Variants in NCKAP5 observed in about 807,000 individuals in gnomAD.
NCKAP5 encodes nck-associated protein 5.
Under a neutral mutation model 167.0 loss-of-function variants are expected in NCKAP5, and 92 were observed. The observed-to-expected ratio is 0.55, with a 90% CI of 0.47 to 0.66. The LOEUF is 0.66. Among genes scored for constraint, NCKAP5 ranks in the 30% least tolerant of loss-of-function variants. NCKAP5 has a pLI of 0.00. For synonymous variants in NCKAP5, 891 were observed against 877.4 expected (o/e 1.02, Z -0.27); for missense variants, 2,378 against 2,315.0 (o/e 1.03, Z -0.56).
intron 6 of NCKAP5, among the ~76,000 whole-genome samples, chr2:133,042,008 C>T (rs189272849): frequency 2.0e-5 from 3 of 152,194 alleles, no homozygotes; most frequent in Middle Eastern, 3.4e-3. Context: ...AGAATGCTAT[C>T]TTGAATAGCA....
chr2:133,629,175 G>T, the NCKAP5 span, among the ~76,000 whole-genome samples: 2 of 152,082 alleles, frequency 1.3e-5, no homozygotes, highest in African/African-American at 2.4e-5. Flanking sequence ...AACCACAAAA[G>T]AAACTATCAT....
intron 8 of NCKAP5, among the ~76,000 whole-genome samples, chr2:132,954,371 G>A (rs1202532535): frequency 3.3e-5 from 5 of 151,986 alleles, no homozygotes; most frequent in Non-Finnish European, 7.4e-5. Context: ...TTCATTTCTG[G>A]GATTCTTGAT....
chr2:133,267,609 G>T (rs1334577325), intron 4 of NCKAP5, among the ~76,000 whole-genome samples: 1 of 152,148 alleles, frequency 6.6e-6, no homozygotes, highest in African/African-American at 2.4e-5. Context: ...GCAAGAAAAC[G>T]CTGAATTCCC....
At chr2:133,414,209 A>G (rs1688959716) in intron 3 of NCKAP5, among the ~76,000 whole-genome samples, 1 of 152,222 alleles carries the variant, frequency 6.6e-6, no homozygotes, top group African/African-American at 2.4e-5. Flanking sequence ...TGAAACAGGT[A>G]TTAGGTAAGG....
At chr2:132,879,611 G>T (rs1430506155) in intron 8 of NCKAP5, among the ~76,000 whole-genome samples, 1 of 152,180 alleles carries the variant, frequency 6.6e-6, no homozygotes, top group Non-Finnish European at 1.5e-5. Flanking sequence ...ATATGAAGCT[G>T]CCCTCCACCT....
chr2:132,788,273 A>T (rs1027025466), intron 13 of NCKAP5, among the ~76,000 whole-genome samples: 3 of 152,154 alleles, frequency 2.0e-5, no homozygotes, highest in African/African-American at 7.2e-5. Context: ...GCTGAGGTGC[A>T]GGCCTGTGTT....
chr2:133,238,127 T>A (rs1388516080), intron 4 of NCKAP5, among the ~76,000 whole-genome samples: 1 of 152,190 alleles, frequency 6.6e-6, no homozygotes, highest in Non-Finnish European at 1.5e-5. Context: ...GAAAGTTTCC[T>A]CACTTTAGTT....
chr2:133,090,212 T>TAAAAAAAAAAAAAAAA (rs56131091), intron 6 of NCKAP5, among the ~76,000 whole-genome samples: 1 of 135,646 alleles, frequency 7.4e-6, no homozygotes, highest in South Asian at 2.4e-4. Context: ...ACAAGAAAAT[T>TAAAAAAAAAAAAAAAA]AAAAAAAAAA....
intron 11 of NCKAP5, among the ~76,000 whole-genome samples, chr2:132,857,649 T>G (rs1278408801): frequency 6.6e-6 from 1 of 152,232 alleles, no homozygotes; most frequent in Non-Finnish European, 1.5e-5. Context: ...TCTCAATTCC[T>G]TGGAATTTAG....
chr2:132,876,770 T>C (rs767971860), intron 9 of NCKAP5, among the ~76,000 whole-genome samples: 3 of 152,256 alleles, frequency 2.0e-5, no homozygotes, highest in Non-Finnish European at 4.4e-5. Context: ...CTAAAAAGTC[T>C]GTCTTCAGTG....
intron 6 of NCKAP5, among the ~76,000 whole-genome samples, chr2:133,109,828 C>T (rs2081850041): frequency 6.7e-6 from 1 of 150,214 alleles, no homozygotes. Flanking sequence ...TAGGGAAAGT[C>T]CCAAAATGAA....
intron 8 of NCKAP5, among the ~76,000 whole-genome samples, chr2:132,918,101 A>G (rs1252114357): frequency 6.6e-6 from 1 of 152,168 alleles, no homozygotes; most frequent in East Asian, 1.9e-4. Context: ...GGCTCCTTAA[A>G]TTTTGCATGT....
chr2:132,916,918 A>G (rs965338504), intron 8 of NCKAP5, among the ~76,000 whole-genome samples: 1 of 152,200 alleles, frequency 6.6e-6, no homozygotes, highest in African/African-American at 2.4e-5. Context: ...AAATTGAAAT[A>G]TTCTACTTTG....
intron 17 of NCKAP5, among the ~76,000 whole-genome samples, chr2:132,729,276 T>C (rs1690759990): frequency 6.6e-6 from 1 of 152,216 alleles, no homozygotes; most frequent in Non-Finnish European, 1.5e-5. Flanking sequence ...ATTCTTCAAA[T>C]AATGTTATTC....
intron 5 of NCKAP5, among the ~76,000 whole-genome samples, chr2:133,145,364 G>A (rs1310779510): frequency 6.6e-6 from 1 of 152,044 alleles, no homozygotes; most frequent in East Asian, 1.9e-4. Context: ...AGAGGAGGGA[G>A]AGCATTAGGA....
chr2:132,925,561 C>CAAAA (rs575777951), intron 8 of NCKAP5, among the ~76,000 whole-genome samples: 1 of 53,580 alleles, frequency 1.9e-5, no homozygotes, highest in African/African-American at 6.1e-5. Context: ...GACTCCGTCT[C>CAAAA]AAAAAAAAAA....
At chr2:133,512,227 G>C (rs966623832) in intron 3 of NCKAP5, among the ~76,000 whole-genome samples, 4 of 152,088 alleles carry the variant, frequency 2.6e-5, no homozygotes, top group African/African-American at 9.7e-5. Flanking sequence ...TAAATATTTA[G>C]AAAAATGCCT....
chr2:132,782,313 G>A lies in NCKAP5; in HGVS notation c.4498C>T (p.Gln1500Ter). ...CTGGCAAAAGAAGGCCCAGGCTTCT[G>A]CTTTGCTTCCACAGAGGTGGGCTTT... ...QTKPTSVEAK[Q>*]KPGPSFASWF... The change falls in exon 14 of 20, where the codon CAG becomes TAG. Residue 1500 changes from glutamine to a stop codon, truncating the protein, a stop_gained. Transcript: ENST00000409261. LOFTEE classifies it high-confidence loss of function. 1 of 1,614,030 alleles carries A rather than the reference G, an allele frequency of 6.2e-7. No individual in the cohort carries two copies. Among genetic ancestry groups the A allele is most frequent in the Non-Finnish European group, 8.5e-7 (1 of 1,179,900 alleles).
chr2:133,162,872 C>A (rs887326492), intron 5 of NCKAP5, among the ~76,000 whole-genome samples: 2 of 152,180 alleles, frequency 1.3e-5, no homozygotes, highest in Non-Finnish European at 2.9e-5. Flanking sequence ...GTAAGATCCC[C>A]AAACAGTCAT....
Sources: gnomAD v4.1 joint callset for allele counts (sites outside exome capture counted in the v4.1 genomes callset) on GRCh38, gnomAD v4.1.1 for gene constraint, MANE v1.5 for transcripts, NCBI Gene and HGNC (gene_info 2026-07-23, HGNC 2026-07-21) for gene names.